Variants in FAM168A observed in about 807,000 individuals in gnomAD.
FAM168A encodes the protein protein FAM168A.
Under a neutral mutation model 28.5 loss-of-function variants are expected in FAM168A, and 3 were observed. The ratio of observed to expected loss-of-function variants is 0.11; its 90% CI spans 0.05 to 0.27. The LOEUF is 0.27. Among genes scored for constraint, FAM168A ranks in the 10% least tolerant of loss-of-function variants. FAM168A has a pLI of 1.00. For missense variants in FAM168A, 222 were observed against 311.5 expected (o/e 0.71, Z 2.16); for synonymous variants, 122 against 124.2 (o/e 0.98, Z 0.12).
intron 1 of FAM168A, among the ~76,000 whole-genome samples, chr11:73,541,992 C>T (rs1291521134): frequency 1.3e-5 from 2 of 152,198 alleles, no homozygotes; most frequent in African/African-American, 4.8e-5. Flanking sequence ...TTACCCAACA[C>T]AGATTACCTG....
chr11:73,496,556 T>G lies in FAM168A; in HGVS notation c.-18-28064A>C, dbSNP rs150884931. Among the ~76,000 whole-genome samples the G allele has an allele frequency of 9.0e-3, 1,368 of 152,232 alleles. 14 individuals are homozygous for G. The highest frequency in any genetic ancestry group is 0.029 in the African/African-American group (1,209 of 41,540). On this transcript the variant is annotated intron_variant, in intron 1 of 7. Transcript: ENST00000356467. ...TTTTATGTTATTTTTTGTTTGTTTG[T>G]TTGGTTGGTTGGTTGGTTTTTTGAG...
chr11:73,593,177 T>C (rs1408084816), intron 1 of FAM168A, among the ~76,000 whole-genome samples: 1 of 152,146 alleles, frequency 6.6e-6, no homozygotes, highest in African/African-American at 2.4e-5. Context: ...AAACTGTTTA[T>C]CTCTGAGGGA....
chr11:73,525,506 G>A (rs367561052), intron 1 of FAM168A, among the ~76,000 whole-genome samples: 10 of 152,152 alleles, frequency 6.6e-5, no homozygotes, highest in African/African-American at 2.4e-4. Context: ...GGTCCTGCCT[G>A]ATTTTATTTC....
Position 73,545,023 on chromosome 11 carries a change from A to AT in FAM168A, c.-19+52899dup, listed in dbSNP as rs1183732563. Among the ~76,000 whole-genome samples the AT allele has an allele frequency of 3.0e-4, 21 of 68,876 alleles. 1 individual carries two copies. The highest frequency in any genetic ancestry group is 2.3e-3 in the African/African-American group (18 of 7,934). The allele number at this position is 68,876 out of a possible 152,430, so 45.2% of individuals were successfully genotyped here. ...ATATAATATACTATATATATAGTAT[A>AT]TATAATATATATATATTTTTTGGAG... On this transcript the variant is annotated intron_variant, in intron 1 of 7. Transcript: ENST00000356467.
At chr11:73,559,128 C>A (rs1353911496) in intron 1 of FAM168A, among the ~76,000 whole-genome samples, 5 of 152,178 alleles carry the variant, frequency 3.3e-5, no homozygotes, top group Non-Finnish European at 7.3e-5. Context: ...GAAGTACTAG[C>A]CGGGCGTGTT....
intron 1 of FAM168A, among the ~76,000 whole-genome samples, chr11:73,544,946 TATA>T: frequency 1.1e-5 from 1 of 91,714 alleles, no homozygotes; most frequent in Non-Finnish European, 1.9e-5. Flanking sequence ...TTATGTAATA[TATA>T]ATATATTATA....
chr11:73,497,639 G>A (rs1246228383), intron 1 of FAM168A, among the ~76,000 whole-genome samples: 1 of 152,100 alleles, frequency 6.6e-6, no homozygotes, highest in East Asian at 1.9e-4. Flanking sequence ...AGAGGGCATG[G>A]TTAAAACTCA....
At chr11:73,445,196 T>A (rs1048311465) in intron 2 of FAM168A, among the ~76,000 whole-genome samples, 38 of 151,728 alleles carry the variant, frequency 2.5e-4, no homozygotes, top group Middle Eastern at 3.4e-3. Flanking sequence ...GAGGTAGAGG[T>A]TGCGGCAAGC....
At chr11:73,473,502 C>G (rs1442381118) in intron 1 of FAM168A, among the ~76,000 whole-genome samples, 46 of 152,328 alleles carry the variant, frequency 3.0e-4, no homozygotes. Flanking sequence ...GCAGTTATAA[C>G]TATATGATAT....
intron 1 of FAM168A, among the ~76,000 whole-genome samples, chr11:73,517,268 T>C (rs1206111467): frequency 6.6e-6 from 1 of 152,214 alleles, no homozygotes; most frequent in African/African-American, 2.4e-5. Flanking sequence ...TGGTCTTAAA[T>C]GATCCTCTCA....
Position 73,468,996 on chromosome 11 carries a change from C to T in FAM168A, c.-18-504G>A, listed in dbSNP as rs896204034. 2.8e-4 allele frequency among the ~76,000 whole-genome samples: 42 copies of T among 152,336 alleles called. 1 individual carries two copies. The highest frequency in any genetic ancestry group is 4.7e-4 in the Non-Finnish European group (32 of 68,034). On this transcript the variant is annotated intron_variant, in intron 1 of 7. Transcript: ENST00000356467. ...AGACTGCTGGAAGGAAAAGCAGTGT[C>T]TCATCCGCCCCTTACACCTGCAGAG... is the stretch of plus-strand genomic sequence containing the variant.
intron 1 of FAM168A, among the ~76,000 whole-genome samples, chr11:73,494,111 G>T (rs749274315): frequency 4.6e-5 from 7 of 151,994 alleles, no homozygotes; most frequent in African/African-American, 7.3e-5. Flanking sequence ...GTACAGTATG[G>T]ACATGTACAT....
At chr11:73,482,188 T>TA (rs1555025854) in intron 1 of FAM168A, among the ~76,000 whole-genome samples, 1 of 148,282 alleles carries the variant, frequency 6.7e-6, no homozygotes, top group Non-Finnish European at 1.5e-5. Flanking sequence ...AGCCTTTTTT[T>TA]TTTTTTTTTT....
At chr11:73,587,172 A>C (rs953170105) in intron 1 of FAM168A, among the ~76,000 whole-genome samples, 8 of 150,036 alleles carry the variant, frequency 5.3e-5, no homozygotes, top group East Asian at 1.9e-4. Flanking sequence ...AAAAAAAAAA[A>C]AAAAAACTAA....
rs1274173328 is a variant in FAM168A, at chr11:73,411,418, G to A, written c.396C>T (p.Tyr132=). The part of the protein sequence containing the change: ...QTAMYPIRSA[Y]PQQNLYAQGA... ...CCTGGGCATACAGATTCTGCTGGGG[G>A]TAGGCACTTCTGATTGGATACATGG... The change falls in exon 5 of 8, where the codon TAC becomes TAT. Residue 132 remains tyrosine (Y), a synonymous_variant. Coordinates refer to ENST00000356467, the MANE Select transcript of FAM168A (RefSeq NM_015159.3). The A allele has an allele frequency of 9.3e-6, 15 of 1,609,776 alleles. No individual in the cohort carries two copies. Among genetic ancestry groups the A allele is most frequent in the African/African-American group, 1.3e-5 (1 of 74,836 alleles).
intron 2 of FAM168A, among the ~76,000 whole-genome samples, chr11:73,445,419 C>CTCTTTTTTTTTTTTT (rs776745757): frequency 4.0e-5 from 2 of 50,432 alleles, no homozygotes; most frequent in African/African-American, 1.4e-4. Context: ...AAAAATGTCT[C>CTCTTTTTTTTTTTTT]TTTTTTTTTT....
intron 3 of FAM168A, among the ~76,000 whole-genome samples, chr11:73,426,040 G>T (rs1315664213): frequency 6.6e-6 from 1 of 152,212 alleles, no homozygotes; most frequent in African/African-American, 2.4e-5. Context: ...CAAGTTTGTT[G>T]TATGTAAAAT....
intron 3 of FAM168A, among the ~76,000 whole-genome samples, chr11:73,426,233 G>A (rs1866882525): frequency 6.6e-6 from 1 of 152,170 alleles, no homozygotes; most frequent in Non-Finnish European, 1.5e-5. Flanking sequence ...CCTCGATTCT[G>A]AAAGCCAAGT....
At chr11:73,596,921 GGATATTTTCTTCAA>G (rs1022502671) in intron 1 of FAM168A, among the ~76,000 whole-genome samples, 6 of 151,914 alleles carry the variant, frequency 3.9e-5, no homozygotes, top group Non-Finnish European at 8.8e-5. Context: ...CTTGGCCAAG[GGATATTTTCTTCAA>G]GATACCATCC....
Sources: allele counts gnomAD v4.1 joint callset (sites outside exome capture counted in the v4.1 genomes callset), GRCh38; gene constraint gnomAD v4.1.1; transcripts MANE v1.5; gene names NCBI Gene and HGNC (gene_info 2026-07-23, HGNC 2026-07-21).